COG6: variants seen among roughly 807,000 people sequenced by gnomAD.
COG6 encodes the protein component of oligomeric golgi complex 6, also known as conserved oligomeric Golgi complex subunit 6.
COG6 carries 74 observed loss-of-function variants against 88.8 expected under a neutral mutation model. The observed-to-expected ratio is 0.83, with a 90% CI of 0.69 to 1.01. COG6 has a LOEUF of 1.01. COG6 is among the 50% of genes least tolerant of loss of function. The pLI is 0.00. For synonymous variants in COG6, 286 were observed against 278.7 expected (o/e 1.03, Z -0.26); for missense variants, 800 against 797.9 (o/e 1.00, Z -0.03).
intron 1 of COG6, 63 bp downstream of exon 1, chr13:39,655,942 G>T: frequency 1.9e-6 from 3 of 1,552,742 alleles, no homozygotes; most frequent in Non-Finnish European, 2.6e-6. Context: ...GCCAGGGGCG[G>T]CGTCTGTCAG....
At chr13:39,656,136 G>C (rs770400763) in intron 1 of COG6, 1 of 634,280 alleles carries the variant, frequency 1.6e-6, no homozygotes, top group East Asian at 3.2e-5. Flanking sequence ...AGGCTCTCTG[G>C]ATGGGATTGG....
At chr13:39,693,057 T>G (rs971382450) in intron 11 of COG6, among the ~76,000 whole-genome samples, 2 of 152,016 alleles carry the variant, frequency 1.3e-5, no homozygotes, top group East Asian at 3.9e-4. Context: ...TGGGTTTTGC[T>G]GAAAATGGTT....
chr13:39,723,810 C>G (rs1381772919), intron 16 of COG6, among the ~76,000 whole-genome samples: 2 of 151,864 alleles, frequency 1.3e-5, no homozygotes, highest in Non-Finnish European at 2.9e-5. Context: ...TTTCAGATTC[C>G]TATATCACTA....
chr13:39,770,175 C>T (rs921618042), intron 18 of COG6, among the ~76,000 whole-genome samples: 24 of 152,198 alleles, frequency 1.6e-4, no homozygotes, highest in Non-Finnish European at 3.1e-4. Context: ...TTAACACCCA[C>T]GACTACTGCT....
intron 12 of COG6, among the ~76,000 whole-genome samples, chr13:39,697,684 C>G (rs1465977854): frequency 6.6e-6 from 1 of 151,888 alleles, no homozygotes; most frequent in Non-Finnish European, 1.5e-5. Flanking sequence ...TCTTGGAGCC[C>G]TCATTCCCCT....
intron 12 of COG6, among the ~76,000 whole-genome samples, chr13:39,698,439 T>C (rs191266578): frequency 2.6e-3 from 396 of 152,106 alleles, no homozygotes; most frequent in African/African-American, 9.2e-3. Context: ...TTTAGTAATT[T>C]GCTAGTATTT....
chr13:39,667,126 A>G (rs145073584), intron 4 of COG6, among the ~76,000 whole-genome samples: 393 of 152,294 alleles, frequency 2.6e-3, no homozygotes, highest in African/African-American at 9.1e-3. Context: ...GTTTGAAAAA[A>G]GAGTTTGACA....
chr13:39,655,954 G>C lies in COG6; in HGVS notation c.153+75G>C, dbSNP rs1465751718. On this transcript the variant is annotated intron_variant, in intron 1 of 18. Transcript: ENST00000455146. ...CGGGCCAGGGGCGGCGTCTGTCAGGGACCCACCGCGGTCTCCCTCGTCCCG... is the reference window on the plus strand; with the variant it reads ...CGGGCCAGGGGCGGCGTCTGTCAGGCACCCACCGCGGTCTCCCTCGTCCCG... 5.2e-6 allele frequency: 8 copies of C among 1,526,126 alleles called. No homozygotes were observed. The Admixed American group carries it at 1.2e-4, about 22-fold the overall frequency. 94.5% of individuals were successfully genotyped at this position (1,526,126 alleles called of 1,614,324 possible). A position where few individuals can be genotyped will look rare whatever the true frequency, so the allele number is the denominator to read the frequency against.
At chr13:39,681,786 T>C (rs1169673323) in intron 7 of COG6, among the ~76,000 whole-genome samples, 1 of 152,182 alleles carries the variant, frequency 6.6e-6, no homozygotes, top group East Asian at 1.9e-4. Flanking sequence ...TGTTTAAAGA[T>C]TGCTTCCCAG....
At chr13:39,736,733 A>G (rs1879768648) in intron 18 of COG6, among the ~76,000 whole-genome samples, 1 of 152,162 alleles carries the variant, frequency 6.6e-6, no homozygotes, top group Admixed American at 6.5e-5. Flanking sequence ...TCTTTGTGTT[A>G]TCTTGAATTT....
intron 8 of COG6, among the ~76,000 whole-genome samples, chr13:39,684,357 C>T (rs529538088): frequency 7.1e-6 from 1 of 140,804 alleles, no homozygotes; most frequent in African/African-American, 2.7e-5. Context: ...TCACGCCATT[C>T]TCCTGCCTCA....
chr13:39,731,634 A>T (rs959303658), intron 18 of COG6, among the ~76,000 whole-genome samples: 1 of 152,236 alleles, frequency 6.6e-6, no homozygotes, highest in African/African-American at 2.4e-5. Context: ...AAAATGGGTA[A>T]GTTTTGATAA....
At chr13:39,747,045 C>T (rs1880387187) in intron 18 of COG6, among the ~76,000 whole-genome samples, 1 of 151,974 alleles carries the variant, frequency 6.6e-6, no homozygotes, top group South Asian at 2.1e-4. Flanking sequence ...TTAACCAGTT[C>T]AATATTTGGT....
At chr13:39,689,057 G>A (rs1479711923) in intron 10 of COG6, among the ~76,000 whole-genome samples, 3 of 152,160 alleles carry the variant, frequency 2.0e-5, no homozygotes, top group Admixed American at 6.5e-5. Flanking sequence ...AGTGTGCATC[G>A]TTAGGTTCTC....
chr13:39,768,111 T>C (rs1410660240), intron 18 of COG6, among the ~76,000 whole-genome samples: 1 of 123,972 alleles, frequency 8.1e-6, no homozygotes, highest in African/African-American at 2.9e-5. Flanking sequence ...TTCTTGCAGT[T>C]TAACACACAT....
intron 18 of COG6, among the ~76,000 whole-genome samples, chr13:39,747,345 A>G (rs1381982144): frequency 6.6e-6 from 1 of 152,176 alleles, no homozygotes; most frequent in African/African-American, 2.4e-5. Flanking sequence ...GACTCGCTTC[A>G]GAGAATCTCC....
At chr13:39,761,488 A>G (rs1881011385) in intron 18 of COG6, among the ~76,000 whole-genome samples, 1 of 151,948 alleles carries the variant, frequency 6.6e-6, no homozygotes, top group Admixed American at 6.6e-5. Context: ...GATTTTATGG[A>G]GAAAACCTCA....
intron 18 of COG6, among the ~76,000 whole-genome samples, chr13:39,759,089 G>A (rs1880934608): frequency 6.6e-6 from 1 of 152,170 alleles, no homozygotes; most frequent in South Asian, 2.1e-4. Context: ...ATCGGGAAGA[G>A]ACAGCTAACA....
intron 18 of COG6, among the ~76,000 whole-genome samples, chr13:39,740,638 C>G (rs776694449): frequency 3.3e-5 from 5 of 152,110 alleles, no homozygotes; most frequent in Admixed American, 1.3e-4. Context: ...TCGTAGACGT[C>G]TGGCATATAT....
Sources: gnomAD v4.1 joint callset for allele counts (sites outside exome capture counted in the v4.1 genomes callset) on GRCh38, gnomAD v4.1.1 for gene constraint, MANE v1.5 for transcripts, NCBI Gene and HGNC (gene_info 2026-07-23, HGNC 2026-07-21) for gene names.